ATP11B: variants seen among roughly 807,000 people sequenced by gnomAD.
ATP11B encodes the protein phospholipid-transporting ATPase IF.
Under a neutral mutation model 157.8 loss-of-function variants are expected in ATP11B, and 81 were observed. That is an observed-to-expected ratio of 0.51 (90% confidence interval 0.43 to 0.62). ATP11B has a LOEUF of 0.62. Ranked by LOEUF, ATP11B falls within the 20% of genes least tolerant of loss-of-function variation. The pLI is 0.00. For missense variants in ATP11B, 1,165 were observed against 1,402.2 expected, an observed-to-expected ratio of 0.83 and a Z score of 2.70; for synonymous variants, 451 against 469.4, an observed-to-expected ratio of 0.96 and a Z score of 0.51.
intron 17 of ATP11B, 74 bp downstream of exon 17, chr3:182,869,405 T>A: frequency 9.8e-7 from 1 of 1,016,248 alleles, no homozygotes; most frequent in Non-Finnish European, 1.4e-6. Flanking sequence ...TTATTTCTTA[T>A]AATTTATCAA....
chr3:182,836,625 T>C, intron 6 of ATP11B, 155 bp downstream of exon 6: 1 of 861,342 alleles, frequency 1.2e-6, no homozygotes, highest in Non-Finnish European at 1.7e-6. Context: ...TAAGAAAGAA[T>C]TGATGTTATA....
At chr3:182,799,971 A>G (rs549063068) in intron 1 of ATP11B, among the ~76,000 whole-genome samples, 1 of 152,226 alleles carries the variant, frequency 6.6e-6, no homozygotes, top group South Asian at 2.1e-4. Flanking sequence ...TTAGCTGGGC[A>G]TGGCGGTGCC....
At chr3:182,899,408 C>A (rs1362353801) in intron 28 of ATP11B, among the ~76,000 whole-genome samples, 1 of 151,966 alleles carries the variant, frequency 6.6e-6, no homozygotes, top group Non-Finnish European at 1.5e-5. Flanking sequence ...GCCTTGGCCT[C>A]CCGAAGCGCT....
chr3:182,855,039 C>T (rs1720278664), intron 10 of ATP11B, among the ~76,000 whole-genome samples: 1 of 152,044 alleles, frequency 6.6e-6, no homozygotes, highest in South Asian at 2.1e-4. Context: ...AAAATCTCAG[C>T]AAGTTTTTTT....
intron 12 of ATP11B, among the ~76,000 whole-genome samples, chr3:182,864,149 AT>A (rs899297832): frequency 1.3e-5 from 2 of 151,526 alleles, no homozygotes; most frequent in Non-Finnish European, 1.5e-5. Context: ...TATATATTCT[AT>A]TTTTTTTAGT....
intron 4 of ATP11B, among the ~76,000 whole-genome samples, chr3:182,834,877 T>G (rs1412811774): frequency 1.3e-5 from 2 of 152,234 alleles, no homozygotes; most frequent in Admixed American, 6.5e-5. Context: ...TAGTCTACTG[T>G]TCATCAGAAG....
intron 12 of ATP11B, among the ~76,000 whole-genome samples, chr3:182,861,126 C>T (rs971839994): frequency 6.9e-6 from 1 of 144,332 alleles, no homozygotes; most frequent in African/African-American, 2.6e-5. Flanking sequence ...AGTGCAATGG[C>T]GCAATCTTGG....
At chr3:182,816,347 G>A (rs1469200589) in intron 1 of ATP11B, among the ~76,000 whole-genome samples, 1 of 152,186 alleles carries the variant, frequency 6.6e-6, no homozygotes, top group African/African-American at 2.4e-5. Flanking sequence ...GAGCAGGCAA[G>A]CATTAAGGGG....
intron 24 of ATP11B, among the ~76,000 whole-genome samples, chr3:182,889,163 C>T (rs1723001348): frequency 1.3e-5 from 2 of 152,072 alleles, no homozygotes; most frequent in Non-Finnish European, 2.9e-5. Flanking sequence ...ACCCAGTCTT[C>T]CTATTTCTTT....
intron 28 of ATP11B, chr3:182,908,592 T>C (rs1281114744): frequency 6.6e-6 from 1 of 152,140 alleles, no homozygotes; most frequent in Non-Finnish European, 1.5e-5. Context: ...TTCTAAGTTG[T>C]TTATTTTACT....
chr3:182,836,964 C>T (rs140663267), intron 6 of ATP11B, 107 bp from the exon 7 acceptor site: 4 of 742,352 alleles, frequency 5.4e-6, no homozygotes, highest in African/African-American at 5.3e-5. Context: ...TGAGTGATCT[C>T]AAGTACAGTA....
At chr3:182,819,854 A>G (rs1243438030) in intron 1 of ATP11B, among the ~76,000 whole-genome samples, 1 of 152,198 alleles carries the variant, frequency 6.6e-6, no homozygotes, top group Non-Finnish European at 1.5e-5. Context: ...ATCCATAGAA[A>G]TGAAAGGGAA....
intron 2 of ATP11B, among the ~76,000 whole-genome samples, chr3:182,826,383 C>T (rs1419167151): frequency 1.3e-5 from 2 of 152,156 alleles, no homozygotes; most frequent in Non-Finnish European, 2.9e-5. Context: ...GTTGCTGTTA[C>T]GTTTCAAATA....
chr3:182,917,874 G>C (rs1004280658), intron 29 of ATP11B, 149 bp from the exon 30 acceptor site: 88 of 1,305,220 alleles, frequency 6.7e-5, no homozygotes, highest in Non-Finnish European at 8.4e-5. Context: ...GAAAGTTTGG[G>C]CATTCGATAC....
intron 1 of ATP11B, among the ~76,000 whole-genome samples, chr3:182,806,164 C>T (rs958639810): frequency 6.6e-6 from 1 of 152,172 alleles, no homozygotes; most frequent in African/African-American, 2.4e-5. Flanking sequence ...GTTACTTTAG[C>T]TCTACGTATT....
intron 28 of ATP11B, among the ~76,000 whole-genome samples, chr3:182,907,891 A>G (rs6799091): frequency 0.29 from 43,638 of 152,126 alleles, 6,710 homozygotes; most frequent in East Asian, 0.56. Flanking sequence ...TTGGGTTCTT[A>G]GAATGTTCCC....
chr3:182,815,429 A>G (rs1022371230), intron 1 of ATP11B, among the ~76,000 whole-genome samples: 1 of 152,198 alleles, frequency 6.6e-6, no homozygotes, highest in Non-Finnish European at 1.5e-5. Context: ...TTCACAATTA[A>G]CTTTGTAGGT....
intron 29 of ATP11B, 76 bp from the exon 30 acceptor site, chr3:182,917,947 A>C: frequency 6.4e-7 from 1 of 1,571,572 alleles, no homozygotes; most frequent in Non-Finnish European, 8.6e-7. Flanking sequence ...TTGGGTCCTA[A>C]GTTTTAGAGT....
In ATP11B at chr3:182,916,746, C is replaced by T. The variant is rs1284533453; in HGVS notation, c.3453-1277C>T. 9.1e-6 allele frequency: 9 copies of T among 984,274 alleles called. No individual in the cohort carries two copies. The African/African-American group carries it at 1.1e-4, about 11-fold the overall frequency. The allele number at this position is 984,274 out of a possible 1,614,324, so 61.0% of individuals were successfully genotyped here. On this transcript the variant is annotated intron_variant, in intron 29 of 29. Transcript: ENST00000323116. ...AAAATTTAAAATGAAGGAGACTTTA[C>T]CTAATAAGATTATTCTGTGTAAGCA...
Sources: allele counts gnomAD v4.1 joint callset (sites outside exome capture counted in the v4.1 genomes callset), GRCh38; gene constraint gnomAD v4.1.1; transcripts MANE v1.5; gene names NCBI Gene and HGNC (gene_info 2026-07-23, HGNC 2026-07-21).